Variants in PTCHD4 observed in about 807,000 individuals in gnomAD.
PTCHD4 encodes patched domain-containing protein 4.
In PTCHD4, 33 loss-of-function variants were observed where a neutral mutation model predicts 58.1. The ratio of observed to expected loss-of-function variants is 0.57; its 90% CI spans 0.43 to 0.76. The LOEUF (loss-of-function observed/expected upper bound fraction) is 0.76, where lower values mean the gene tolerates loss of function less well. Ranked by LOEUF, PTCHD4 falls within the 30% of genes least tolerant of loss-of-function variation. The pLI, the probability that PTCHD4 is intolerant of heterozygous loss-of-function variation, is 0.00. For synonymous variants in PTCHD4, 478 were observed against 409.6 expected, an observed-to-expected ratio of 1.17 and a Z score of -2.02; for missense variants, 1,058 against 1,027.1, an observed-to-expected ratio of 1.03 and a Z score of -0.41.
rs1763410986 is a variant in PTCHD4 at position 47,860,919 on chromosome 6, G to T, written c.*17384C>A. Among the ~76,000 whole-genome samples the T allele has an allele frequency of 6.6e-6, 1 of 151,920 alleles. No individual in the cohort carries two copies. The highest frequency in any genetic ancestry group is 2.1e-4 in the South Asian group (1 of 4,824). On this transcript the variant is annotated 3_prime_UTR_variant, in exon 5 of 5. Transcript: ENST00000339488. ...TAATTTTATATACTTTTAAAAATCA[G>T]TTCTGTATCTAAGGTAGTATAGTCC...
chr6:48,042,158 T>G (rs918767270), intron 3 of PTCHD4, among the ~76,000 whole-genome samples: 2 of 151,944 alleles, frequency 1.3e-5, no homozygotes, highest in African/African-American at 4.8e-5. Flanking sequence ...ATTGATTAAC[T>G]CCAAGAAAAG....
At chr6:48,028,271 T>A (rs1438670579) in intron 3 of PTCHD4, among the ~76,000 whole-genome samples, 1 of 151,604 alleles carries the variant, frequency 6.6e-6, no homozygotes, top group African/African-American at 2.4e-5. Context: ...TTTTTTTTGA[T>A]GAGAAAATAT....
rs1763896020 is a variant in PTCHD4, at chr6:47,878,123, C to T, written c.*180G>A. 2 of 518,764 alleles carry T rather than the reference C, an allele frequency of 3.9e-6. No homozygotes were observed. Among genetic ancestry groups the T allele is most frequent in the African/African-American group, 1.9e-5 (1 of 51,422 alleles). The allele number at this position is 518,764 out of a possible 1,614,324, so 32.1% of individuals were successfully genotyped here. ...ACAAGGTTGCAAATAACTTTTTCCT[C>T]TTTTTTTATTCCCTCTTCCCCCCAA... On this transcript the variant is annotated 3_prime_UTR_variant, in exon 5 of 5. Coordinates refer to ENST00000339488, the MANE Select transcript of PTCHD4 (RefSeq NM_001384253.1).
chr6:47,932,386 G>A (rs943991522), intron 4 of PTCHD4, among the ~76,000 whole-genome samples: 8 of 152,140 alleles, frequency 5.3e-5, no homozygotes, highest in African/African-American at 1.4e-4. Context: ...GGGGCTAGAG[G>A]TGGAAAAAAA....
At chr6:48,053,115 A>C (rs1041033781) in intron 3 of PTCHD4, among the ~76,000 whole-genome samples, 2 of 152,118 alleles carry the variant, frequency 1.3e-5, no homozygotes, top group African/African-American at 4.8e-5. Context: ...CAGGATCCTT[A>C]TATGAATGAA....
chr6:47,961,681 C>A (rs937592647), intron 4 of PTCHD4, among the ~76,000 whole-genome samples: 3 of 152,058 alleles, frequency 2.0e-5, no homozygotes, highest in African/African-American at 7.2e-5. Flanking sequence ...GCACTCCTGG[C>A]TCAAAGAAAC....
intron 4 of PTCHD4, among the ~76,000 whole-genome samples, chr6:47,890,045 A>ATG (rs372236322): frequency 8.3e-4 from 124 of 150,104 alleles, no homozygotes; most frequent in Middle Eastern, 3.4e-3. Context: ...ATATATATAT[A>ATG]TGTGTGTGTG....
chr6:47,936,834 C>T (rs1335780119), intron 4 of PTCHD4, among the ~76,000 whole-genome samples: 2 of 151,936 alleles, frequency 1.3e-5, no homozygotes, highest in African/African-American at 4.8e-5. Flanking sequence ...GTGATGAGTA[C>T]AATAGAAAAA....
At chr6:48,004,372 G>C (rs1768868132) in intron 4 of PTCHD4, among the ~76,000 whole-genome samples, 1 of 152,092 alleles carries the variant, frequency 6.6e-6, no homozygotes, top group South Asian at 2.1e-4. Flanking sequence ...AGTGATCCGA[G>C]GCTACTACTG....
chr6:47,896,430 A>G (rs1157918377), intron 4 of PTCHD4, among the ~76,000 whole-genome samples: 1 of 152,206 alleles, frequency 6.6e-6, no homozygotes, highest in African/African-American at 2.4e-5. Flanking sequence ...TCTCTGCCAC[A>G]TTGCTGTTTT....
intron 4 of PTCHD4, among the ~76,000 whole-genome samples, chr6:47,995,240 G>A (rs2114045289): frequency 6.6e-6 from 1 of 152,262 alleles, no homozygotes; most frequent in South Asian, 2.1e-4. Flanking sequence ...ACAAAAGGAG[G>A]TGGCCAACAT....
chr6:48,026,338 C>G (rs567438811), intron 3 of PTCHD4, among the ~76,000 whole-genome samples: 1 of 152,264 alleles, frequency 6.6e-6, no homozygotes, highest in South Asian at 2.1e-4. Flanking sequence ...CATCTCAAAC[C>G]CTTACTAACG....
At chr6:48,033,750 T>G (rs1181471120) in intron 3 of PTCHD4, among the ~76,000 whole-genome samples, 2 of 152,062 alleles carry the variant, frequency 1.3e-5, no homozygotes, top group Non-Finnish European at 2.9e-5. Context: ...AAAGGGTAGT[T>G]GGACCAACAC....
rs201644356 is a variant in PTCHD4 at position 48,092,006 on chromosome 6, T to TAC, written c.-970+19041_-970+19042dup. Reference sequence around the variant, plus strand: ...ACACATACACATACACACACACACATACACACACACACATACACACACACA... The same window carrying TAC: ...ACACATACACATACACACACACACATACACACACACACACATACACACACACA... On this transcript the variant is annotated intron_variant, in intron 1 of 4. Transcript: ENST00000339488. 8.0e-5 allele frequency among the ~76,000 whole-genome samples: 12 copies of TAC among 149,562 alleles called. No homozygotes were observed. In the South Asian group the frequency reaches 8.4e-4, roughly 11 times the overall value.
intron 3 of PTCHD4, among the ~76,000 whole-genome samples, chr6:48,041,875 T>C (rs1295695060): frequency 6.6e-6 from 1 of 152,080 alleles, no homozygotes; most frequent in Non-Finnish European, 1.5e-5. Flanking sequence ...AAATTATTTG[T>C]GAATGTTTAT....
At position 47,868,409 on chromosome 6, in the gene PTCHD4, A is replaced by G. The variant is rs775415826; in HGVS notation, c.*9894T>C. 6.6e-6 allele frequency among the ~76,000 whole-genome samples: 1 copy of G among 151,782 alleles called. No individual in the cohort carries two copies. The highest frequency in any genetic ancestry group is 1.5e-5 in the Non-Finnish European group (1 of 67,816). On this transcript the variant is annotated 3_prime_UTR_variant, in exon 5 of 5. Coordinates refer to ENST00000339488, the MANE Select transcript of PTCHD4 (RefSeq NM_001384253.1). ...AAATTCAAGAAAATGAAACAAAACAACAACAAAAGCTTCTGAATATGGGCT... is the reference window on the plus strand; with the variant it reads ...AAATTCAAGAAAATGAAACAAAACAGCAACAAAAGCTTCTGAATATGGGCT...
At chr6:47,968,889 G>A (rs1251138094) in intron 4 of PTCHD4, among the ~76,000 whole-genome samples, 2 of 152,116 alleles carry the variant, frequency 1.3e-5, no homozygotes, top group African/African-American at 2.4e-5. Flanking sequence ...ATAATGGGCT[G>A]TACATTATTC....
intron 4 of PTCHD4, among the ~76,000 whole-genome samples, chr6:47,982,600 T>C (rs1178107827): frequency 1.3e-5 from 2 of 151,298 alleles, no homozygotes; most frequent in Non-Finnish European, 2.9e-5. Context: ...GCCATTCTCC[T>C]GCCTCAGCCT....
chr6:48,097,618 G>T (rs1023083319), intron 1 of PTCHD4, among the ~76,000 whole-genome samples: 12 of 152,076 alleles, frequency 7.9e-5, no homozygotes, highest in Non-Finnish European at 1.5e-4. Flanking sequence ...AATCAGCAAG[G>T]TTTCACTGAC....
Sources: gnomAD v4.1 joint callset for allele counts (sites outside exome capture counted in the v4.1 genomes callset) on GRCh38, gnomAD v4.1.1 for gene constraint, MANE v1.5 for transcripts, NCBI Gene and HGNC (gene_info 2026-07-23, HGNC 2026-07-21) for gene names.